The following GRHL2 variants were observed in gnomAD, a reference collection of about 807,000 sequenced individuals.
GRHL2 encodes grainyhead-like protein 2 homolog.
In GRHL2, 21 loss-of-function variants were observed where a neutral mutation model predicts 83.8. The observed-to-expected ratio is 0.25, with a 90% CI of 0.18 to 0.36. The LOEUF (loss-of-function observed/expected upper bound fraction) is 0.36. Among genes scored for constraint, GRHL2 ranks in the 10% least tolerant of loss-of-function variants. The pLI, the probability that GRHL2 is intolerant of heterozygous loss-of-function variation, is 1.00. For missense variants in GRHL2, 623 were observed against 781.8 expected (o/e 0.80, Z 2.42); for synonymous variants, 280 against 278.9 (o/e 1.00, Z -0.04).
intron 1 of GRHL2, among the ~76,000 whole-genome samples, chr8:101,515,082 C>T (rs1810543931): frequency 6.7e-6 from 1 of 150,364 alleles, no homozygotes; most frequent in South Asian, 2.1e-4. Flanking sequence ...ACCTCCCTCC[C>T]TCCCTCCTTA....
Position 101,543,308 on chromosome 8 carries a change from A to G in GRHL2, c.88A>G (p.Thr30Ala). 3.7e-6 allele frequency: 6 copies of G among 1,614,128 alleles called. No individual in the cohort carries two copies. Among genetic ancestry groups the G allele is most frequent in the Non-Finnish European group, 5.1e-6 (6 of 1,180,006 alleles). ...DPPFNTRRAY[T>A]SEDEAWKSYL... ...TCCATTCAATACCCGAAGAGCCTAC[A>G]CCAGTGAGGATGAAGCCTGGAAGTC... is the stretch of plus-strand genomic sequence containing the variant. Residue 30 changes from threonine to alanine, a missense_variant, in exon 2 of 16, where the codon ACC becomes GCC. This residue lies in a region of GRHL2 where 39 missense variants were observed against 34.8 expected (regional missense o/e 1.12). Coordinates refer to ENST00000646743, the MANE Select transcript of GRHL2 (RefSeq NM_024915.4).
chr8:101,645,470 T>C (rs1424486306), intron 13 of GRHL2, among the ~76,000 whole-genome samples: 1 of 152,120 alleles, frequency 6.6e-6, no homozygotes, highest in Non-Finnish European at 1.5e-5. Flanking sequence ...AGTACTTTGT[T>C]ATTGAGAAAT....
chr8:101,606,326 G>A (rs753545301), intron 8 of GRHL2, among the ~76,000 whole-genome samples: 1 of 152,156 alleles, frequency 6.6e-6, no homozygotes, highest in Non-Finnish European at 1.5e-5. Flanking sequence ...GTGGGAAAAT[G>A]CAAAGTGAGG....
intron 7 of GRHL2, among the ~76,000 whole-genome samples, chr8:101,585,613 T>C (rs1812147569): frequency 6.6e-6 from 1 of 152,190 alleles, no homozygotes; most frequent in Non-Finnish European, 1.5e-5. Flanking sequence ...CACGAGTTCA[T>C]GTGCAGTGTA....
At chr8:101,644,850 T>TA (rs1453828346) in intron 13 of GRHL2, among the ~76,000 whole-genome samples, 2 of 125,374 alleles carry the variant, frequency 1.6e-5, no homozygotes, top group East Asian at 5.8e-4. Context: ...CAGTACTGGA[T>TA]TTTTTTTTTT....
Position 101,492,752 on chromosome 8 carries a change from A to G in GRHL2, c.-18A>G, listed in dbSNP as rs778891166. Reference sequence around the variant, plus strand: ...GCTGAGGCTCCAGGAAAAGCGGAGCAAGTTCATTGGATCAAACATGTCACA... The same window carrying G: ...GCTGAGGCTCCAGGAAAAGCGGAGCGAGTTCATTGGATCAAACATGTCACA... On this transcript the variant is annotated 5_prime_UTR_variant, in exon 1 of 16. Coordinates refer to ENST00000646743, the MANE Select transcript of GRHL2 (RefSeq NM_024915.4). The G allele has an allele frequency of 6.2e-7, 1 of 1,613,368 alleles. No homozygotes were observed. The highest frequency in any genetic ancestry group is 1.1e-5 in the South Asian group (1 of 91,064).
At chr8:101,553,123 C>A (rs754786751) in intron 3 of GRHL2, among the ~76,000 whole-genome samples, 2 of 152,182 alleles carry the variant, frequency 1.3e-5, no homozygotes, top group African/African-American at 2.4e-5. Context: ...TTAGGCCCCT[C>A]AGGAAGTGAG....
At chr8:101,576,269 A>G (rs1218679312) in intron 6 of GRHL2, among the ~76,000 whole-genome samples, 1 of 152,206 alleles carries the variant, frequency 6.6e-6, no homozygotes, top group Non-Finnish European at 1.5e-5. Context: ...GCTGGAGTAC[A>G]GTGGCATGAT....
chr8:101,652,582 TG>T (rs1195649760), intron 14 of GRHL2, among the ~76,000 whole-genome samples: 3 of 101,946 alleles, frequency 2.9e-5, no homozygotes, highest in East Asian at 6.0e-4. Context: ...GTGGTGTGTG[TG>T]GTGTCTGTGT....
chr8:101,570,512 T>C, intron 5 of GRHL2, 118 bp downstream of exon 5: 1 of 862,778 alleles, frequency 1.2e-6, no homozygotes, highest in Non-Finnish European at 2.0e-6. Flanking sequence ...CAGTGTGATT[T>C]CCTTTGCCTC....
intron 13 of GRHL2, among the ~76,000 whole-genome samples, chr8:101,647,082 A>T (rs1813526481): frequency 6.6e-6 from 1 of 152,234 alleles, no homozygotes; most frequent in Non-Finnish European, 1.5e-5. Flanking sequence ...AGCAGTACTC[A>T]TAATAGAAAA....
At chr8:101,589,230 A>G (rs1170756747) in intron 7 of GRHL2, among the ~76,000 whole-genome samples, 1 of 152,182 alleles carries the variant, frequency 6.6e-6, no homozygotes, top group Non-Finnish European at 1.5e-5. Context: ...ACTGTCAGAA[A>G]CTGCCAGGTA....
At chr8:101,655,195 AAAG>A (rs1433983671) in intron 14 of GRHL2, among the ~76,000 whole-genome samples, 2 of 151,542 alleles carry the variant, frequency 1.3e-5, no homozygotes, top group African/African-American at 2.4e-5. Flanking sequence ...AAAAAAAAAA[AAAG>A]AAGAAGGAAG....
At chr8:101,511,740 A>G (rs1289318934) in intron 1 of GRHL2, among the ~76,000 whole-genome samples, 1 of 152,016 alleles carries the variant, frequency 6.6e-6, no homozygotes, top group Non-Finnish European at 1.5e-5. Flanking sequence ...TTAAATACAG[A>G]CAACTTTTCC....
intron 4 of GRHL2, among the ~76,000 whole-genome samples, chr8:101,563,460 A>G (rs1386741304): frequency 1.3e-5 from 2 of 152,144 alleles, no homozygotes; most frequent in Admixed American, 6.5e-5. Context: ...ATACTAGGAC[A>G]TAGAAGTTGC....
At chr8:101,532,628 C>T (rs1810953022) in intron 1 of GRHL2, among the ~76,000 whole-genome samples, 1 of 151,878 alleles carries the variant, frequency 6.6e-6, no homozygotes, top group African/African-American at 2.4e-5. Context: ...CATGCACCTG[C>T]AATCCCAGCT....
intron 14 of GRHL2, among the ~76,000 whole-genome samples, chr8:101,650,232 G>A (rs917779971): frequency 2.6e-5 from 4 of 152,142 alleles, no homozygotes; most frequent in African/African-American, 4.8e-5. Flanking sequence ...CAGCATCTTG[G>A]GTTATGAAGC....
At chr8:101,551,871 T>A (rs1269457627) in intron 2 of GRHL2, among the ~76,000 whole-genome samples, 6 of 151,162 alleles carry the variant, frequency 4.0e-5, no homozygotes, top group Admixed American at 6.6e-5. Context: ...AGTCTTGCTC[T>A]GTCGCCCAGG....
rs1666395733 is a variant in GRHL2, at chr8:101,664,451, C to T, written c.1699-3C>T. ...ATCTGCCTTCTTGTTATTGGTATTA[C>T]AGATATCTGAGAAATATGGGCTGCC... On this transcript the variant is annotated splice_polypyrimidine_tract_variant and splice_region_variant and intron_variant, in intron 14 of 15. Coordinates refer to ENST00000646743, the MANE Select transcript of GRHL2 (RefSeq NM_024915.4). 3 of 1,611,768 alleles carry T rather than the reference C, an allele frequency of 1.9e-6. No homozygotes were observed. Among genetic ancestry groups the T allele is most frequent in the African/African-American group, 2.7e-5 (2 of 74,822 alleles).
Sources: gnomAD v4.1 joint callset for allele counts (sites outside exome capture counted in the v4.1 genomes callset) on GRCh38, gnomAD v4.1.1 for gene constraint, gnomAD v4.1.1 regional missense constraint, MANE v1.5 for transcripts, NCBI Gene and HGNC (gene_info 2026-07-23, HGNC 2026-07-21) for gene names.